NUP153: variants seen among roughly 807,000 people sequenced by gnomAD.
NUP153 encodes the protein nuclear pore complex protein Nup153.
NUP153 carries 27 observed loss-of-function variants against 134.6 expected under a neutral mutation model. The observed-to-expected ratio is 0.20, with a 90% CI of 0.15 to 0.28. The LOEUF is 0.28. Among genes scored for constraint, NUP153 ranks in the 10% least tolerant of loss-of-function variants. NUP153 has a pLI of 1.00. For synonymous variants in NUP153, 640 were observed against 623.5 expected (o/e 1.03, Z -0.40); for missense variants, 1,821 against 1,731.3 (o/e 1.05, Z -0.92).
intron 20 of NUP153, among the ~76,000 whole-genome samples, chr6:17,622,194 A>G (rs528394564): frequency 1.4e-4 from 22 of 152,186 alleles, no homozygotes; most frequent in Non-Finnish European, 2.6e-4. Context: ...TCACGCCTGT[A>G]ATCCTAGCAC....
At chr6:17,640,460 A>G (rs1273219611) in intron 14 of NUP153, among the ~76,000 whole-genome samples, 1 of 152,246 alleles carries the variant, frequency 6.6e-6, no homozygotes, top group African/African-American at 2.4e-5. Context: ...TCAACTGAGC[A>G]ATTATTTCAT....
chr6:17,646,368 C>T (rs942250824), intron 13 of NUP153, among the ~76,000 whole-genome samples: 5 of 151,958 alleles, frequency 3.3e-5, no homozygotes, highest in Admixed American at 1.3e-4. Flanking sequence ...CCACCACACC[C>T]GGCTAATTTT....
chr6:17,688,305 G>A (rs1033569698), intron 2 of NUP153, 91 bp downstream of exon 2: 12 of 888,514 alleles, frequency 1.4e-5, no homozygotes, highest in Admixed American at 6.5e-5. Flanking sequence ...TTTATGTACC[G>A]CCTGATTAGA....
At chr6:17,644,691 C>T (rs912761628) in intron 14 of NUP153, among the ~76,000 whole-genome samples, 2 of 152,096 alleles carry the variant, frequency 1.3e-5, no homozygotes, top group Non-Finnish European at 2.9e-5. Context: ...GTCTGTAATC[C>T]CAATACTTTG....
chr6:17,637,049 G>T, intron 16 of NUP153, 104 bp downstream of exon 16: 1 of 1,142,026 alleles, frequency 8.8e-7, no homozygotes, highest in Non-Finnish European at 1.2e-6. Context: ...TAATATGTAT[G>T]AGAAATGCTC....
At chr6:17,688,352 A>G (rs1769068387) in intron 2 of NUP153, 44 bp downstream of exon 2, 1 of 1,498,298 alleles carries the variant, frequency 6.7e-7, no homozygotes, top group African/African-American at 1.4e-5. Flanking sequence ...AAATTAGGGC[A>G]TGAAAACCTA....
At chr6:17,627,262 T>C (rs1031920691) in intron 18 of NUP153, among the ~76,000 whole-genome samples, 1 of 152,230 alleles carries the variant, frequency 6.6e-6, no homozygotes, top group Non-Finnish European at 1.5e-5. Context: ...TATCATGTTT[T>C]TGTTGCTTTC....
chr6:17,653,204 G>A (rs1581708011), intron 11 of NUP153, among the ~76,000 whole-genome samples: 1 of 152,168 alleles, frequency 6.6e-6, no homozygotes, highest in South Asian at 2.1e-4. Context: ...AGTGAGCCAA[G>A]ATCGTGCTAC....
intron 14 of NUP153, among the ~76,000 whole-genome samples, chr6:17,641,324 C>T (rs1765826808): frequency 6.6e-6 from 1 of 152,060 alleles, no homozygotes. Flanking sequence ...ATCACGAGGT[C>T]AAGAGATGGA....
At chr6:17,643,012 G>A (rs909799197) in intron 14 of NUP153, among the ~76,000 whole-genome samples, 5 of 152,202 alleles carry the variant, frequency 3.3e-5, no homozygotes, top group African/African-American at 1.2e-4. Flanking sequence ...TAGCTAGGGG[G>A]AAGGCAGAAT....
chr6:17,705,390 T>G (rs1205419897), intron 1 of NUP153, among the ~76,000 whole-genome samples: 1 of 152,182 alleles, frequency 6.6e-6, no homozygotes, highest in Non-Finnish European at 1.5e-5. Context: ...TTTTATAATT[T>G]TAAACATCCA....
At chr6:17,645,718 T>G (rs13208979) in intron 14 of NUP153, among the ~76,000 whole-genome samples, 3 of 152,150 alleles carry the variant, frequency 2.0e-5, no homozygotes, top group African/African-American at 7.2e-5. Flanking sequence ...AGAAATAAAA[T>G]CTACTACAAC....
rs1208589899 is a variant in NUP153, at chr6:17,649,195, G to T, written c.1501C>A (p.Pro501Thr). The change falls in exon 12 of 22, where the codon CCC becomes ACC. Residue 501 changes from proline to threonine, a missense_variant. Pro to Thr is a conservative substitution (Grantham distance 38). Coordinates refer to ENST00000262077, the MANE Select transcript of NUP153 (RefSeq NM_005124.4). The stretch of plus-strand genomic sequence containing the variant: ...GTTAATGCTTGAGACGAATTGATGG[G>T]TGATGGAGAGGAAGTTGTGATCTCA... ...SPEITTSSPSPINSSQALTNK... is the reference protein window; with the variant it reads ...SPEITTSSPSTINSSQALTNK... 2 of 1,613,816 alleles carry T rather than the reference G, an allele frequency of 1.2e-6. No individual in the cohort carries two copies. The highest frequency in any genetic ancestry group is 3.3e-5 in the Admixed American group (2 of 59,968).
chr6:17,623,635 T>C (rs1273725093), intron 20 of NUP153, among the ~76,000 whole-genome samples: 1 of 152,158 alleles, frequency 6.6e-6, no homozygotes, highest in East Asian at 1.9e-4. Context: ...AACTGAAACA[T>C]ATGTCAACAG....
intron 11 of NUP153, among the ~76,000 whole-genome samples, chr6:17,653,879 A>G: frequency 6.6e-6 from 1 of 152,226 alleles, no homozygotes; most frequent in East Asian, 1.9e-4. Flanking sequence ...ACATTTCACT[A>G]TATGTCAATT....
intron 5 of NUP153, among the ~76,000 whole-genome samples, chr6:17,672,616 A>G (rs1465191664): frequency 6.6e-6 from 1 of 152,174 alleles, no homozygotes; most frequent in Non-Finnish European, 1.5e-5. Flanking sequence ...AAGCTATTCA[A>G]TGAACAAAGA....
At chr6:17,695,676 G>A (rs1159928950) in intron 1 of NUP153, among the ~76,000 whole-genome samples, 4 of 152,074 alleles carry the variant, frequency 2.6e-5, no homozygotes, top group East Asian at 1.9e-4. Context: ...AAACTACTAC[G>A]GAAAAGAAAT....
intron 17 of NUP153, among the ~76,000 whole-genome samples, chr6:17,630,616 T>C (rs933232250): frequency 6.6e-6 from 1 of 151,858 alleles, no homozygotes; most frequent in African/African-American, 2.4e-5. Context: ...TGAGCCAAGA[T>C]TGCGCCACAG....
At position 17,661,643 on chromosome 6, in the gene NUP153, A is replaced by G. The variant is rs773000374; in HGVS notation, c.1395+10T>C. 1.9e-6 allele frequency: 3 copies of G among 1,612,374 alleles called. No homozygotes were observed. The highest frequency in any genetic ancestry group is 2.5e-6 in the Non-Finnish European group (3 of 1,179,140). On this transcript the variant is annotated intron_variant, in intron 11 of 21. Coordinates refer to ENST00000262077, the MANE Select transcript of NUP153 (RefSeq NM_005124.4). ...ATAAACCTCAAGAGTATATGAGTAT[A>G]CAACCCTACCTCCTCCTCCAGAGGT...
Sources: gnomAD v4.1 joint callset for allele counts (sites outside exome capture counted in the v4.1 genomes callset) on GRCh38, gnomAD v4.1.1 for gene constraint, MANE v1.5 for transcripts, NCBI Gene and HGNC (gene_info 2026-07-23, HGNC 2026-07-21) for gene names.